MAGI2: variants seen among roughly 807,000 people sequenced by gnomAD.
The protein encoded by MAGI2 is membrane associated guanylate kinase, WW and PDZ domain containing 2, also known as membrane-associated guanylate kinase, WW and PDZ domain-containing protein 2.
MAGI2 carries 35 observed loss-of-function variants against 133.3 expected under a neutral mutation model. The ratio of observed to expected loss-of-function variants is 0.26; its 90% CI spans 0.20 to 0.35. The LOEUF (loss-of-function observed/expected upper bound fraction) is 0.35, where lower values mean the gene tolerates loss of function less well. Ranked by LOEUF, MAGI2 falls within the 10% of genes least tolerant of loss-of-function variation. The probability of loss-of-function intolerance (pLI) is 1.00; values close to 1 mark genes in which losing one functional copy is unlikely to be tolerated. For missense variants in MAGI2, 1,636 were observed against 1,863.4 expected (o/e 0.88, Z 2.25); for synonymous variants, 729 against 710.6 (o/e 1.03, Z -0.41).
chr7:79,262,929 A>G (rs962495343), intron 1 of MAGI2, among the ~76,000 whole-genome samples: 14 of 152,084 alleles, frequency 9.2e-5, no homozygotes, highest in African/African-American at 3.4e-4. Flanking sequence ...ATTTTTCCCT[A>G]TGGTTACCAA....
intron 6 of MAGI2, among the ~76,000 whole-genome samples, chr7:78,480,536 A>G (rs570692010): frequency 2.6e-5 from 4 of 152,062 alleles, no homozygotes; most frequent in African/African-American, 9.6e-5. Context: ...ATTATTTACC[A>G]TGTCCTAGTT....
intron 2 of MAGI2, among the ~76,000 whole-genome samples, chr7:78,813,237 T>C (rs1380032263): frequency 6.6e-6 from 1 of 152,198 alleles, no homozygotes; most frequent in Non-Finnish European, 1.5e-5. Context: ...AACAAAGTCA[T>C]AGTTCAAGAA....
At chr7:79,354,145 A>C (rs1002632360) in intron 1 of MAGI2, 1 of 152,248 alleles carries the variant, frequency 6.6e-6, no homozygotes, top group Admixed American at 6.5e-5. Flanking sequence ...AGGGGTCTCC[A>C]ACTCCTTTGG....
At chr7:79,277,147 G>T (rs1223505821) in intron 1 of MAGI2, among the ~76,000 whole-genome samples, 1 of 152,042 alleles carries the variant, frequency 6.6e-6, no homozygotes, top group Non-Finnish European at 1.5e-5. Flanking sequence ...AGCAAAATGT[G>T]ATTGCTTGTC....
intron 2 of MAGI2, among the ~76,000 whole-genome samples, chr7:78,662,699 T>G (rs925826599): frequency 2.0e-5 from 3 of 152,214 alleles, no homozygotes; most frequent in African/African-American, 7.2e-5. Flanking sequence ...AATTAAGGTT[T>G]CATAAAATAA....
At chr7:78,266,584 C>CA (rs1296817760) in intron 9 of MAGI2, among the ~76,000 whole-genome samples, 2 of 146,448 alleles carry the variant, frequency 1.4e-5, no homozygotes, top group African/African-American at 5.0e-5. Flanking sequence ...GAAAAAATCC[C>CA]TTTTTTTTTT....
intron 1 of MAGI2, among the ~76,000 whole-genome samples, chr7:79,196,561 C>T (rs1447640600): frequency 6.6e-6 from 1 of 151,912 alleles, no homozygotes; most frequent in East Asian, 1.9e-4. Flanking sequence ...TTCCCCCTAT[C>T]TTCTTAGTAC....
rs1303411322 is a variant in MAGI2, at chr7:78,018,918, T to C, written c.*397A>G. ...GTGCAGTTTGATTTTTAAGGCGATA[T>C]TCCAGTTTGTGATTGCTCTTAACTT... On this transcript the variant is annotated 3_prime_UTR_variant, in exon 22 of 22. Coordinates refer to ENST00000354212, the MANE Select transcript of MAGI2 (RefSeq NM_012301.4). 2 of 388,480 alleles carry C rather than the reference T, an allele frequency of 5.1e-6. No individual in the cohort carries two copies. Among genetic ancestry groups the C allele is most frequent in the Non-Finnish European group, 9.1e-6 (2 of 219,912 alleles). The allele number at this position is 388,480 out of a possible 1,614,324, so 24.1% of individuals were successfully genotyped here.
chr7:78,109,721 G>A (rs1819168749), intron 20 of MAGI2, among the ~76,000 whole-genome samples: 1 of 152,162 alleles, frequency 6.6e-6, no homozygotes, highest in Admixed American at 6.5e-5. Context: ...GAGGAAACAA[G>A]TGATTTAATT....
At chr7:78,599,050 A>G (rs1297960201) in intron 3 of MAGI2, among the ~76,000 whole-genome samples, 3 of 152,170 alleles carry the variant, frequency 2.0e-5, no homozygotes, top group African/African-American at 7.2e-5. Context: ...TTTATACGCA[A>G]CAAATTTAAG....
chr7:78,863,741 A>G (rs887436183), intron 2 of MAGI2, among the ~76,000 whole-genome samples: 1 of 152,254 alleles, frequency 6.6e-6, no homozygotes, highest in African/African-American at 2.4e-5. Flanking sequence ...TTGAGCTGAT[A>G]AAGGCCAGAG....
rs1486185531 is a variant in MAGI2, at chr7:78,501,774, A to C, written c.768T>G (p.His256Gln). The part of the protein sequence containing the change: ...GVVVTPESSE[H>Q]EDKSAGASGE... ...CTGAGGCACCTGCACTTTTGTCTTC[A>C]TGTTCACTGGATTCTATAAGAGAAC... is the stretch of plus-strand genomic sequence containing the variant. The change falls in exon 5 of 22, where the codon CAT (histidine) becomes CAG (glutamine). Residue 256 changes from histidine (H) to glutamine (Q), a missense_variant. His to Gln is a conservative substitution (Grantham distance 24, BLOSUM62 0). Coordinates refer to ENST00000354212, the MANE Select transcript of MAGI2 (RefSeq NM_012301.4). The C allele has an allele frequency of 3.1e-6, 5 of 1,613,474 alleles. No homozygotes were observed. In the African/African-American group the frequency reaches 5.3e-5, roughly 17 times the overall value.
At chr7:78,505,461 G>A (rs956488465) in intron 4 of MAGI2, among the ~76,000 whole-genome samples, 1 of 152,102 alleles carries the variant, frequency 6.6e-6, no homozygotes, top group Non-Finnish European at 1.5e-5. Flanking sequence ...AGGTACCACT[G>A]CTAACTTCAG....
chr7:78,786,189 C>A (rs759713691), intron 2 of MAGI2, among the ~76,000 whole-genome samples: 4 of 152,066 alleles, frequency 2.6e-5, no homozygotes, highest in Non-Finnish European at 5.9e-5. Flanking sequence ...CTCTCTGTCT[C>A]TCACTCCTCG....
intron 2 of MAGI2, among the ~76,000 whole-genome samples, chr7:78,976,459 GTAAA>G (rs140485157): frequency 4.6e-5 from 7 of 150,768 alleles, no homozygotes; most frequent in African/African-American, 1.5e-4. Flanking sequence ...AAATAAATAA[GTAAA>G]TAAATAAATA....
At chr7:79,376,117 T>C (rs1327736268) in intron 1 of MAGI2, among the ~76,000 whole-genome samples, 1 of 151,858 alleles carries the variant, frequency 6.6e-6, no homozygotes, top group Non-Finnish European at 1.5e-5. Context: ...AATCTTATTG[T>C]ATATGTTTAT....
intron 2 of MAGI2, among the ~76,000 whole-genome samples, chr7:78,836,870 T>A (rs1791668046): frequency 6.8e-6 from 1 of 148,110 alleles, no homozygotes; most frequent in Non-Finnish European, 1.5e-5. Flanking sequence ...GCACTGTAAG[T>A]ACAAGTGATT....
At chr7:78,430,240 C>CTTTTT (rs545809101) in intron 6 of MAGI2, among the ~76,000 whole-genome samples, 1,450 of 76,580 alleles carry the variant, frequency 0.019, 70 homozygotes, top group Non-Finnish European at 0.025. Flanking sequence ...CTGGAAAAGC[C>CTTTTT]TTTTTTTTTT....
chr7:79,136,028 GGAAAGAAAGAAAGAAA>G (rs761493818), intron 1 of MAGI2, among the ~76,000 whole-genome samples: 2 of 51,610 alleles, frequency 3.9e-5, no homozygotes, highest in African/African-American at 7.8e-5. Context: ...AAAGAAAGAA[GGAAAGAAAGAAAGAAA>G]GAAGGAAAGA....
Sources: gnomAD v4.1 joint callset for allele counts (sites outside exome capture counted in the v4.1 genomes callset) on GRCh38, gnomAD v4.1.1 for gene constraint, MANE v1.5 for transcripts, NCBI Gene and HGNC (gene_info 2026-07-23, HGNC 2026-07-21) for gene names.